NEDD4L: variants seen among roughly 807,000 people sequenced by gnomAD.
NEDD4L encodes E3 ubiquitin-protein ligase NEDD4-like.
A neutral mutation model predicts 148.9 loss-of-function variants in NEDD4L; 54 were observed. The ratio of observed to expected loss-of-function variants is 0.36; its 90% confidence interval spans 0.29 to 0.45. The LOEUF (loss-of-function observed/expected upper bound fraction) is 0.45, where lower values mean the gene tolerates loss of function less well. Among genes scored for constraint, NEDD4L ranks in the 20% least tolerant of loss-of-function variants. The pLI is 1.00. For missense variants in NEDD4L, 856 were observed against 1,233.8 expected (o/e 0.69, Z 4.59); for synonymous variants, 433 against 440.7 (o/e 0.98, Z 0.22).
Position 58,365,758 on chromosome 18 carries a change from C to T in NEDD4L, c.1834-241C>T, listed in dbSNP as rs145576341. 1.7e-3 allele frequency among the ~76,000 whole-genome samples: 258 copies of T among 152,292 alleles called. 3 individuals are homozygous for T. In the East Asian group the frequency reaches 0.039, roughly 23 times the overall value. On this transcript the variant is annotated intron_variant, in intron 20 of 30. Coordinates refer to ENST00000400345, the MANE Select transcript of NEDD4L (RefSeq NM_001144967.3). ...AGGGGGCAAGGAGGATGTTCTCCTTCGCAGCAGAGTTCTAACTTTCCTGAG... is the reference window on the plus strand; with the variant it reads ...AGGGGGCAAGGAGGATGTTCTCCTTTGCAGCAGAGTTCTAACTTTCCTGAG...
rs967988049 is a variant in NEDD4L, at chr18:58,290,895, C to T, written c.298-25087C>T. On this transcript the variant is annotated intron_variant, in intron 5 of 30. Coordinates refer to ENST00000400345, the MANE Select transcript of NEDD4L (RefSeq NM_001144967.3). ...TGAAAAAGAGAGTTGTGTCAGAATG[C>T]CCTAAAATCTTAGTGGCTTAACACA... Among the ~76,000 whole-genome samples, 15 of 152,256 alleles carry T rather than the reference C, an allele frequency of 9.9e-5. No individual in the cohort carries two copies. In the South Asian group the frequency reaches 3.1e-3, roughly 32 times the overall value.
At chr18:58,270,543 A>G (rs547606151) in intron 5 of NEDD4L, among the ~76,000 whole-genome samples, 6 of 152,290 alleles carry the variant, frequency 3.9e-5, no homozygotes, top group Middle Eastern at 3.4e-3. Flanking sequence ...CAATTTTTTG[A>G]CACGCTGTTA....
chr18:58,158,359 C>G (rs2035767302), intron 1 of NEDD4L, among the ~76,000 whole-genome samples: 2 of 152,306 alleles, frequency 1.3e-5, no homozygotes, highest in Admixed American at 6.5e-5. Context: ...AAAGGAGTCA[C>G]TAAATCAGAT....
intron 2 of NEDD4L, among the ~76,000 whole-genome samples, chr18:58,242,110 G>A (rs1386771495): frequency 1.3e-5 from 2 of 152,154 alleles, no homozygotes; most frequent in African/African-American, 4.8e-5. Context: ...TAATGAGGAG[G>A]CGTGGAATAC....
chr18:58,126,974 C>G (rs919257734), intron 1 of NEDD4L, among the ~76,000 whole-genome samples: 2 of 152,212 alleles, frequency 1.3e-5, no homozygotes, highest in Non-Finnish European at 2.9e-5. Context: ...AGAACCCTTG[C>G]GATTCTCTCT....
intron 2 of NEDD4L, among the ~76,000 whole-genome samples, chr18:58,195,037 C>T (rs914351603): frequency 1.4e-4 from 22 of 152,330 alleles, no homozygotes; most frequent in African/African-American, 5.1e-4. Context: ...GGCTCATGCC[C>T]TGTATGTGAG....
At chr18:58,297,907 C>T (rs1401544675) in intron 5 of NEDD4L, among the ~76,000 whole-genome samples, 2 of 152,140 alleles carry the variant, frequency 1.3e-5, no homozygotes, top group Non-Finnish European at 2.9e-5. Context: ...TCCCGGGAGC[C>T]CCCTATTACA....
Position 58,064,230 on chromosome 18 carries a change from C to G in NEDD4L, c.48+19522C>G, listed in dbSNP as rs189983141. ...CTGCCCGTCTCGGCTTCCCAAAGTGCTGGGATTACAGGCGTGAGCCACCGC... is the reference window on the plus strand; with the variant it reads ...CTGCCCGTCTCGGCTTCCCAAAGTGGTGGGATTACAGGCGTGAGCCACCGC... On this transcript the variant is annotated intron_variant, in intron 1 of 30. Coordinates refer to ENST00000400345, the MANE Select transcript of NEDD4L (RefSeq NM_001144967.3). Among the ~76,000 whole-genome samples the G allele has an allele frequency of 3.3e-4, 50 of 152,272 alleles. No homozygotes were observed. The East Asian group carries it at 6.0e-3, about 18-fold the overall frequency.
intron 1 of NEDD4L, among the ~76,000 whole-genome samples, chr18:58,121,743 A>C (rs779947007): frequency 6.6e-6 from 1 of 152,100 alleles, no homozygotes; most frequent in African/African-American, 2.4e-5. Flanking sequence ...ATATTTTCTG[A>C]TTTGTAATGT....
At chr18:58,300,831 C>T (rs1735785051) in intron 5 of NEDD4L, among the ~76,000 whole-genome samples, 1 of 152,168 alleles carries the variant, frequency 6.6e-6, no homozygotes, top group African/African-American at 2.4e-5. Context: ...TAGATTTGCT[C>T]CTCAGATTCT....
chr18:58,321,503 G>T (rs2058768523), intron 6 of NEDD4L, among the ~76,000 whole-genome samples: 1 of 152,212 alleles, frequency 6.6e-6, no homozygotes, highest in South Asian at 2.1e-4. Context: ...ATTATAGTTG[G>T]TCTTCTAAGT....
Position 58,376,651 on chromosome 18 carries a change from G to A in NEDD4L, c.2352+3382G>A, listed in dbSNP as rs888724723. The stretch of plus-strand genomic sequence containing the variant: ...ATCTTCCCCACTAGACCCCCGACCC[G>A]TCTCTACATCCAATATGGCTTCTTA... On this transcript the variant is annotated intron_variant, in intron 24 of 30. Coordinates refer to ENST00000400345, the MANE Select transcript of NEDD4L (RefSeq NM_001144967.3). Among the ~76,000 whole-genome samples, 4 of 152,138 alleles carry A rather than the reference G, an allele frequency of 2.6e-5. No individual in the cohort carries two copies. The South Asian group carries it at 6.2e-4, about 24-fold the overall frequency.
At chr18:58,323,382 A>G in intron 8 of NEDD4L, 48 bp downstream of exon 8, 1 of 981,202 alleles carries the variant, frequency 1.0e-6, no homozygotes, top group Non-Finnish European at 1.6e-6. Flanking sequence ...GATCATATTC[A>G]TGTTTTGCTT....
chr18:58,337,174 C>T (rs774695035), intron 13 of NEDD4L, among the ~76,000 whole-genome samples: 12 of 152,180 alleles, frequency 7.9e-5, no homozygotes, highest in Non-Finnish European at 1.8e-4. Context: ...TGCCTGCACT[C>T]TCCCCTCCCC....
chr18:58,345,253 G>A (rs1007103736), intron 16 of NEDD4L, among the ~76,000 whole-genome samples: 5 of 152,174 alleles, frequency 3.3e-5, no homozygotes, highest in Admixed American at 6.5e-5. Context: ...ACACAGCTGC[G>A]CTATCGCTTC....
At chr18:58,389,272 C>G in intron 28 of NEDD4L, 80 bp downstream of exon 28, 1 of 1,039,632 alleles carries the variant, frequency 9.6e-7, no homozygotes, top group East Asian at 2.5e-5. Context: ...CCATTGTGGT[C>G]TGACTTCAGG....
At chr18:58,156,612 G>C (rs574002422) in intron 1 of NEDD4L, among the ~76,000 whole-genome samples, 2 of 151,966 alleles carry the variant, frequency 1.3e-5, no homozygotes, top group South Asian at 4.2e-4. Context: ...CGCCTCCCAC[G>C]CCCCACATTT....
At chr18:58,365,740 A>G (rs1264264879) in intron 20 of NEDD4L, among the ~76,000 whole-genome samples, 1 of 152,194 alleles carries the variant, frequency 6.6e-6, no homozygotes, top group Non-Finnish European at 1.5e-5. Flanking sequence ...TAAAGGGGGC[A>G]AGGAGGATGT....
chr18:58,167,187 C>T (rs2036957123), intron 2 of NEDD4L, among the ~76,000 whole-genome samples: 1 of 152,192 alleles, frequency 6.6e-6, no homozygotes, highest in Non-Finnish European at 1.5e-5. Flanking sequence ...TCAGCCTGTA[C>T]TGCTGGTAAT....
Sources: gnomAD v4.1 joint callset for allele counts (sites outside exome capture counted in the v4.1 genomes callset) on GRCh38, gnomAD v4.1.1 for gene constraint, MANE v1.5 for transcripts, NCBI Gene and HGNC (gene_info 2026-07-23, HGNC 2026-07-21) for gene names.